Variants in CDH11 observed in about 807,000 individuals in gnomAD.
CDH11 encodes the protein cadherin 11, also known as cadherin-11.
In CDH11, 11 loss-of-function variants were observed where a neutral mutation model predicts 67.8. The observed-to-expected ratio is 0.16, with a 90% CI of 0.10 to 0.27. CDH11 has a LOEUF of 0.27. Among genes scored for constraint, CDH11 ranks in the 10% least tolerant of loss-of-function variants. The pLI is 1.00. For synonymous variants in CDH11, 419 were observed against 400.0 expected (o/e 1.05, Z -0.57); for missense variants, 847 against 1,031.2 (o/e 0.82, Z 2.45).
chr16:65,120,508 TA>T (rs2075307609), intron 1 of CDH11, among the ~76,000 whole-genome samples: 1 of 152,126 alleles, frequency 6.6e-6, no homozygotes, highest in South Asian at 2.1e-4. Context: ...AGAGCGATCG[TA>T]GCACGATTTC....
At chr16:65,067,129 T>C (rs1205072185) in intron 1 of CDH11, among the ~76,000 whole-genome samples, 1 of 151,824 alleles carries the variant, frequency 6.6e-6, no homozygotes, top group Non-Finnish European at 1.5e-5. Flanking sequence ...ATCCATTCTA[T>C]ATGTTTTAGA....
At chr16:64,955,034 CAGG>C (rs2071471535) in intron 11 of CDH11, among the ~76,000 whole-genome samples, 2 of 151,596 alleles carry the variant, frequency 1.3e-5, no homozygotes, top group South Asian at 2.1e-4. Flanking sequence ...ATCACGAGGT[CAGG>C]AGATCAAGAC....
At chr16:65,107,453 G>A (rs553769986) in intron 1 of CDH11, among the ~76,000 whole-genome samples, 1 of 152,278 alleles carries the variant, frequency 6.6e-6, no homozygotes, top group South Asian at 2.1e-4. Context: ...CCAGTGAGGT[G>A]ACTGCCAGAG....
chr16:65,076,439 A>G (rs2074510670), intron 1 of CDH11, among the ~76,000 whole-genome samples: 1 of 152,174 alleles, frequency 6.6e-6, no homozygotes. Flanking sequence ...AACCTCATAG[A>G]TGTCTCATGG....
rs1394194876 is a variant in CDH11, at chr16:65,121,229, G to C, written c.-298+651C>G. Among the ~76,000 whole-genome samples the C allele has an allele frequency of 1.3e-5, 2 of 152,206 alleles. No homozygotes were observed. Among genetic ancestry groups the C allele is most frequent in the Non-Finnish European group, 2.9e-5 (2 of 68,042 alleles). ...AGCTCCCGCAGAGACTCGGGCTGGA[G>C]GGCTGTAGCGCACCGCAGCCTGCTG... On this transcript the variant is annotated intron_variant, in intron 1 of 12. Transcript: ENST00000268603. The surrounding 1 kb of genome is among the most constrained non-coding windows in gnomAD (Gnocchi z 4.1).
At chr16:65,049,275 T>A (rs920345668) in intron 2 of CDH11, among the ~76,000 whole-genome samples, 7 of 152,190 alleles carry the variant, frequency 4.6e-5, no homozygotes, top group Admixed American at 4.6e-4. Context: ...TCCAACTCCC[T>A]CCCATCCCAG....
chr16:64,986,400 T>C (rs1207630761), intron 7 of CDH11: 2 of 152,046 alleles, frequency 1.3e-5, no homozygotes, highest in African/African-American at 4.8e-5. Flanking sequence ...GTGAGTTCCA[T>C]GGGGGTGATT....
At position 64,975,019 on chromosome 16, in the gene CDH11, T is replaced by A. The variant is rs1302179305; in HGVS notation, c.1254-1979A>T. Reference sequence around the variant, plus strand: ...TTTTCCCAAACAGAATCTCACTATGTGGCCCCAGCTTGTCTTGAACAGCTG... The same window carrying A: ...TTTTCCCAAACAGAATCTCACTATGAGGCCCCAGCTTGTCTTGAACAGCTG... On this transcript the variant is annotated intron_variant, in intron 8 of 12. Transcript: ENST00000268603. 2.6e-5 allele frequency among the ~76,000 whole-genome samples: 4 copies of A among 152,292 alleles called. No homozygotes were observed. In the East Asian group the frequency reaches 7.7e-4, roughly 29 times the overall value.
chr16:65,003,360 G>A (rs983786489), intron 3 of CDH11, among the ~76,000 whole-genome samples: 2 of 151,748 alleles, frequency 1.3e-5, no homozygotes, highest in Non-Finnish European at 2.9e-5. Context: ...ATGTTCAAGC[G>A]ATTCCCCTGC....
intron 1 of CDH11, among the ~76,000 whole-genome samples, chr16:65,112,362 A>G (rs901439915): frequency 1.3e-5 from 2 of 152,124 alleles, no homozygotes; most frequent in Admixed American, 6.5e-5. Flanking sequence ...TCTCCCTATC[A>G]TGTAGGAGTA....
chr16:65,071,820 A>G (rs1167222909), intron 1 of CDH11, among the ~76,000 whole-genome samples: 1 of 152,222 alleles, frequency 6.6e-6, no homozygotes, highest in African/African-American at 2.4e-5. Context: ...CCGAAAGTAC[A>G]GAAAGAGCAA....
rs1190469949 is a variant in CDH11, at chr16:65,051,609, T to G, written c.-173+2195A>C. 2.6e-5 allele frequency among the ~76,000 whole-genome samples: 4 copies of G among 152,182 alleles called. No homozygotes were observed. The East Asian group carries it at 5.8e-4, about 22-fold the overall frequency. On this transcript the variant is annotated intron_variant, in intron 2 of 12. Transcript: ENST00000268603. ...CCAAATCTCATCTCAATTTGTAATT[T>G]CCATGTGTGGAAGGAGGAACCTGTA...
At chr16:65,048,718 A>T (rs1433843085) in intron 2 of CDH11, among the ~76,000 whole-genome samples, 2 of 152,074 alleles carry the variant, frequency 1.3e-5, no homozygotes, top group South Asian at 2.1e-4. Flanking sequence ...ATATATATTT[A>T]TGTGTGTATA....
chr16:65,044,493 C>T (rs369632711), intron 2 of CDH11, among the ~76,000 whole-genome samples: 2 of 151,964 alleles, frequency 1.3e-5, no homozygotes, highest in African/African-American at 2.4e-5. Flanking sequence ...CATGAAGATA[C>T]ATGTACCCAG....
At chr16:65,073,632 C>T (rs1285849005) in intron 1 of CDH11, among the ~76,000 whole-genome samples, 1 of 151,984 alleles carries the variant, frequency 6.6e-6, no homozygotes, top group African/African-American at 2.4e-5. Context: ...TTTGGGTACC[C>T]TCTTAAATTT....
chr16:65,118,631 C>T (rs1246432066), intron 1 of CDH11, among the ~76,000 whole-genome samples: 2 of 152,112 alleles, frequency 1.3e-5, no homozygotes, highest in Non-Finnish European at 2.9e-5. Flanking sequence ...ATCCCAAACA[C>T]ATTTCAATCC....
Position 65,108,968 on chromosome 16 carries a change from A to G in CDH11, c.-298+12912T>C, listed in dbSNP as rs954946401. On this transcript the variant is annotated intron_variant, in intron 1 of 12. Transcript: ENST00000268603. ...TCGAGACCAGCCTGGCCAACATGGT[A>G]AAACCCTGCCTCTACTAAAAATACA... Among the ~76,000 whole-genome samples the G allele has an allele frequency of 1.7e-4, 26 of 152,026 alleles. 1 individual carries two copies. The highest frequency in any genetic ancestry group is 6.3e-4 in the African/African-American group (26 of 41,388).
At chr16:65,055,063 A>C (rs2142723226) in intron 1 of CDH11, among the ~76,000 whole-genome samples, 1 of 152,312 alleles carries the variant, frequency 6.6e-6, no homozygotes, top group Non-Finnish European at 1.5e-5. Context: ...ATTTATCCAA[A>C]TGTCAGGACA....
At chr16:65,066,189 T>A (rs1337154535) in intron 1 of CDH11, among the ~76,000 whole-genome samples, 5 of 152,238 alleles carry the variant, frequency 3.3e-5, no homozygotes, top group Non-Finnish European at 5.9e-5. Context: ...TACTTTTGCC[T>A]CTGAACTGAA....
Sources: allele counts gnomAD v4.1 joint callset (sites outside exome capture counted in the v4.1 genomes callset), GRCh38; gene constraint gnomAD v4.1.1; non-coding constraint Gnocchi (gnomAD v3.1); transcripts MANE v1.5; gene names NCBI Gene and HGNC (gene_info 2026-07-23, HGNC 2026-07-21).